Variants in KAZN observed in about 807,000 individuals in gnomAD.
KAZN encodes kazrin.
Under a neutral mutation model 87.4 loss-of-function variants are expected in KAZN, and 40 were observed. That is an observed-to-expected ratio of 0.46 (90% CI 0.36 to 0.60). The LOEUF (loss-of-function observed/expected upper bound fraction) is 0.60. KAZN is among the 20% of genes least tolerant of loss of function. The pLI, the probability that KAZN is intolerant of heterozygous loss-of-function variation, is 0.00. For missense variants in KAZN, 898 were observed against 1,073.9 expected, an observed-to-expected ratio of 0.84 and a Z score of 2.29; for synonymous variants, 466 against 458.3, an observed-to-expected ratio of 1.02 and a Z score of -0.22.
rs1026008076 is a variant in KAZN at position 14,735,145 on chromosome 1, C to T, written c.226+135922C>T. 6.0e-4 allele frequency among the ~76,000 whole-genome samples: 92 copies of T among 152,280 alleles called. No individual in the cohort carries two copies. The highest frequency in any genetic ancestry group is 4.8e-3 in the Admixed American group (73 of 15,304). On this transcript the variant is annotated intron_variant, in intron 1 of 14. Coordinates refer to ENST00000376030, the MANE Select transcript of KAZN (RefSeq NM_201628.3). This position sits in a 1 kb window ranked among gnomAD's most constrained non-coding sequence, Gnocchi z 4.3. ...CGCTATCTCGGCTCACTGCGAGCTCCGCCTCCCGGGTTCACTCCATTCTCC... is the reference window on the plus strand; with the variant it reads ...CGCTATCTCGGCTCACTGCGAGCTCTGCCTCCCGGGTTCACTCCATTCTCC...
chr1:14,933,848 T>C (rs950822724), intron 1 of KAZN, among the ~76,000 whole-genome samples: 5 of 110,090 alleles, frequency 4.5e-5, no homozygotes, highest in Non-Finnish European at 8.5e-5. Flanking sequence ...AGCTTTTTTT[T>C]CTTTTTTTTT....
chr1:14,391,777 T>C (rs1370221233), intron 2 of KAZN, among the ~76,000 whole-genome samples: 2 of 152,218 alleles, frequency 1.3e-5, no homozygotes, highest in Non-Finnish European at 2.9e-5. Flanking sequence ...ATTCTCTTTG[T>C]GCTGGGGGCA....
At chr1:13,992,956 C>A (rs1300524402) in intron 1 of KAZN, among the ~76,000 whole-genome samples, 1 of 152,154 alleles carries the variant, frequency 6.6e-6, no homozygotes, top group Admixed American at 6.5e-5. Context: ...TCTCTCTCAT[C>A]ATCTCCCAAG....
chr1:14,915,874 A>G (rs1657759595), intron 1 of KAZN, among the ~76,000 whole-genome samples: 1 of 152,126 alleles, frequency 6.6e-6, no homozygotes, highest in African/African-American at 2.4e-5. Context: ...AGTAAATGAC[A>G]CCTATTGCCA....
intron 2 of KAZN, among the ~76,000 whole-genome samples, chr1:14,490,683 G>A (rs1373014413): frequency 6.6e-6 from 1 of 151,972 alleles, no homozygotes; most frequent in African/African-American, 2.4e-5. Flanking sequence ...AGCAGAGACG[G>A]GGTGGTTGTT....
At chr1:14,649,069 CA>C in intron 1 of KAZN, among the ~76,000 whole-genome samples, 1 of 152,190 alleles carries the variant, frequency 6.6e-6, no homozygotes, top group East Asian at 1.9e-4. Context: ...ATTTGTTTGC[CA>C]CTGGATCTCA....
At position 14,735,621 on chromosome 1, in the gene KAZN, C is replaced by T. The variant is rs1485960328; in HGVS notation, c.226+136398C>T. 6.6e-6 allele frequency among the ~76,000 whole-genome samples: 1 copy of T among 152,208 alleles called. No homozygotes were observed. The highest frequency in any genetic ancestry group is 1.9e-4 in the East Asian group (1 of 5,184). On this transcript the variant is annotated intron_variant, in intron 1 of 14. Coordinates refer to ENST00000376030, the MANE Select transcript of KAZN (RefSeq NM_201628.3). This position sits in a 1 kb window ranked among gnomAD's most constrained non-coding sequence, Gnocchi z 4.3. ...CCACGCTGAGATCCATATACCCAAA[C>T]ATCAGCGAGGCTGCCGTGAGAAGCA... is the stretch of plus-strand genomic sequence containing the variant.
intron 2 of KAZN, among the ~76,000 whole-genome samples, chr1:14,978,363 C>T (rs4661553): frequency 0.13 from 19,717 of 151,838 alleles, 1,431 homozygotes; most frequent in South Asian, 0.25. Flanking sequence ...CTGTGTTCTA[C>T]GGAGCATCTG....
At chr1:14,281,282 A>G (rs545269528) in intron 2 of KAZN, among the ~76,000 whole-genome samples, 1 of 152,268 alleles carries the variant, frequency 6.6e-6, no homozygotes. Context: ...ACCAAATTGG[A>G]GGGGCAAAGG....
At chr1:14,429,345 TTTCTC>T (rs1458106325) in intron 2 of KAZN, among the ~76,000 whole-genome samples, 1 of 152,184 alleles carries the variant, frequency 6.6e-6, no homozygotes, top group East Asian at 1.9e-4. Flanking sequence ...GTTCTCCCCT[TTTCTC>T]TTGTTCTGGC....
intron 1 of KAZN, among the ~76,000 whole-genome samples, chr1:13,971,612 G>A (rs201110263): frequency 7.5e-6 from 1 of 132,710 alleles, no homozygotes; most frequent in African/African-American, 2.5e-5. Flanking sequence ...TTTTGTTGTT[G>A]TTGTTGTTGT....
At chr1:14,541,933 C>A (rs1347722660) in intron 2 of KAZN, among the ~76,000 whole-genome samples, 1 of 152,194 alleles carries the variant, frequency 6.6e-6, no homozygotes, top group Non-Finnish European at 1.5e-5. Context: ...GCCTTGACAG[C>A]CCACAAATCG....
At chr1:15,087,499 T>C (rs1640316008) in intron 8 of KAZN, among the ~76,000 whole-genome samples, 1 of 151,972 alleles carries the variant, frequency 6.6e-6, no homozygotes, top group Non-Finnish European at 1.5e-5. Context: ...TTCAAGCAAT[T>C]CTCCTGCCTC....
At chr1:14,761,656 T>C (rs1644742578) in intron 1 of KAZN, among the ~76,000 whole-genome samples, 1 of 152,204 alleles carries the variant, frequency 6.6e-6, no homozygotes, top group Admixed American at 6.5e-5. Flanking sequence ...AAACCCTAAA[T>C]AATCTTCCTT....
intron 1 of KAZN, among the ~76,000 whole-genome samples, chr1:14,873,544 A>G (rs74059635): frequency 0.011 from 1,724 of 152,290 alleles, 31 homozygotes; most frequent in African/African-American, 0.038. Flanking sequence ...TGGCTAAACC[A>G]GAGTGTGGGA....
At chr1:14,546,331 A>C (rs1286426404) in intron 2 of KAZN, among the ~76,000 whole-genome samples, 3 of 152,212 alleles carry the variant, frequency 2.0e-5, no homozygotes, top group African/African-American at 7.2e-5. Flanking sequence ...AAATGGAAAC[A>C]AATTTCTCTC....
intron 2 of KAZN, among the ~76,000 whole-genome samples, chr1:14,445,999 T>A (rs1482917660): frequency 6.7e-6 from 1 of 149,682 alleles, no homozygotes; most frequent in Non-Finnish European, 1.5e-5. Context: ...AGTTCAAGAC[T>A]GAGCAACATG....
intron 1 of KAZN, among the ~76,000 whole-genome samples, chr1:14,783,769 G>A (rs1365256874): frequency 6.6e-6 from 1 of 152,148 alleles, no homozygotes; most frequent in Non-Finnish European, 1.5e-5. Context: ...ACGGCAGAGG[G>A]GCTCCTGGAA....
intron 1 of KAZN, among the ~76,000 whole-genome samples, chr1:14,148,006 G>A (rs1645390886): frequency 1.3e-5 from 2 of 152,048 alleles, no homozygotes; most frequent in African/African-American, 2.4e-5. Context: ...GATCACTTGA[G>A]CCCAGGAGTT....
Sources: allele counts gnomAD v4.1 joint callset (sites outside exome capture counted in the v4.1 genomes callset), GRCh38; gene constraint gnomAD v4.1.1; non-coding constraint Gnocchi (gnomAD v3.1); transcripts MANE v1.5; gene names NCBI Gene and HGNC (gene_info 2026-07-23, HGNC 2026-07-21).